The following SREBF2 variants were observed in gnomAD, a reference collection of about 807,000 sequenced individuals.
SREBF2 encodes sterol regulatory element binding transcription factor 2.
Under a neutral mutation model 113.1 loss-of-function variants are expected in SREBF2, and 55 were observed. That is an observed-to-expected ratio of 0.49 (90% CI 0.39 to 0.61). SREBF2 has a LOEUF of 0.61. Ranked by LOEUF, SREBF2 falls within the 20% of genes least tolerant of loss-of-function variation. SREBF2 has a pLI of 0.00. For missense variants in SREBF2, 1,349 were observed against 1,487.4 expected, an observed-to-expected ratio of 0.91 and a Z score of 1.53; for synonymous variants, 593 against 605.7, an observed-to-expected ratio of 0.98 and a Z score of 0.31.
intron 15 of SREBF2, 168 bp downstream of exon 15, chr22:41,898,949 TG>T: frequency 1.0e-6 from 1 of 983,984 alleles, no homozygotes; most frequent in South Asian, 1.4e-5. Flanking sequence ...GAACTCAAGT[TG>T]GGCCAGCAGG....
chr22:41,842,579 T>C (rs903713453), intron 1 of SREBF2, among the ~76,000 whole-genome samples: 6 of 152,258 alleles, frequency 3.9e-5, no homozygotes, highest in Admixed American at 2.6e-4. Context: ...TTGTAAATTC[T>C]TCCTTTCACA....
At chr22:41,857,163 T>C (rs188370078) in intron 1 of SREBF2, among the ~76,000 whole-genome samples, 12 of 152,100 alleles carry the variant, frequency 7.9e-5, no homozygotes, top group Admixed American at 7.8e-4. Context: ...AGGCTATGGT[T>C]GAAATTAAGG....
intron 1 of SREBF2, among the ~76,000 whole-genome samples, chr22:41,858,015 T>C (rs889835668): frequency 5.3e-5 from 8 of 152,230 alleles, no homozygotes; most frequent in African/African-American, 1.9e-4. Context: ...TTATCTCATA[T>C]TGATCTTCAG....
intron 15 of SREBF2, chr22:41,899,911 C>T (rs2077450340): frequency 6.2e-6 from 7 of 1,128,002 alleles, no homozygotes; most frequent in Non-Finnish European, 7.7e-6. Context: ...TCCCAGTCTC[C>T]TCTACAGAAA....
chr22:41,866,914 G>T lies in SREBF2; in HGVS notation c.172G>T (p.Gly58Cys), dbSNP rs758849313. ...GCTGTGTAGCTCCTTTCCTGGCAGT[G>T]GTGGTAGTGGTAGCAGCAGCGGCAG... The part of the protein sequence containing the change: ...EQLCSSFPGS[G>C]GSGSSSGSSG... Residue 58 changes from glycine to cysteine, a missense_variant, in exon 2 of 19, where the codon GGT becomes TGT. Physicochemically the swap from Gly to Cys is radical, Grantham distance 159. Coordinates refer to ENST00000361204, the MANE Select transcript of SREBF2 (RefSeq NM_004599.4). 4.3e-6 allele frequency: 7 copies of T among 1,613,904 alleles called. No homozygotes were observed. Among genetic ancestry groups the T allele is most frequent in the Admixed American group, 1.7e-5 (1 of 59,948 alleles).
At chr22:41,874,187 A>T (rs1432742671) in intron 5 of SREBF2, among the ~76,000 whole-genome samples, 168 bp downstream of exon 5, 1 of 152,180 alleles carries the variant, frequency 6.6e-6, no homozygotes, top group Non-Finnish European at 1.5e-5. Context: ...ATAAAATATT[A>T]AAAAACATAA....
Position 41,905,445 on chromosome 22 carries a change from G to C in SREBF2, c.3211G>C (p.Val1071Leu). 6.4e-7 allele frequency: 1 copy of C among 1,572,812 alleles called. No homozygotes were observed. ...CACACATCTCCTTCCCACAGGAGAG[G>C]TGGATGCCTGGCCCGGCCAGCGAGA... is the stretch of plus-strand genomic sequence containing the variant. ...RTTQSTKHGEVDAWPGQRERA... is the reference protein window; with the variant it reads ...RTTQSTKHGELDAWPGQRERA... The change falls in exon 19 of 19, where the codon GTG becomes CTG. Residue 1071 changes from valine (V) to leucine (L), a missense_variant. This residue lies in a region of SREBF2 where 650 missense variants were observed against 644.1 expected (regional missense o/e 1.01). Coordinates refer to ENST00000361204, the MANE Select transcript of SREBF2 (RefSeq NM_004599.4).
intron 10 of SREBF2, among the ~76,000 whole-genome samples, chr22:41,882,883 C>T (rs183295121): frequency 5.1e-4 from 77 of 152,260 alleles, no homozygotes; most frequent in African/African-American, 1.7e-3. Context: ...GAAGGAAGGT[C>T]GCTTGAGCCC....
chr22:41,840,517 A>C (rs1257659237), intron 1 of SREBF2, among the ~76,000 whole-genome samples: 1 of 152,188 alleles, frequency 6.6e-6, no homozygotes, highest in East Asian at 1.9e-4. Flanking sequence ...GAAAGAGTAC[A>C]TTTAGGTAAC....
At chr22:41,866,070 T>A (rs1437683186) in intron 1 of SREBF2, among the ~76,000 whole-genome samples, 2 of 151,976 alleles carry the variant, frequency 1.3e-5, no homozygotes, top group Non-Finnish European at 2.9e-5. Context: ...TAGAGCAAGT[T>A]TGGGTCTGCA....
intron 1 of SREBF2, among the ~76,000 whole-genome samples, chr22:41,864,240 A>ATATG (rs1328371554): frequency 7.9e-5 from 7 of 88,406 alleles, no homozygotes; most frequent in Admixed American, 5.9e-4. Context: ...ATATATATAT[A>ATATG]TATATATATA....
chr22:41,905,510 C>T lies in SREBF2; in HGVS notation c.3276C>T (p.Pro1092=). ...TCCTGCTGGCCTGCCGCCACCTGCCCCTCTCCTTCCTCTCCTCCCCGGGCC... is the reference window on the plus strand; with the variant it reads ...TCCTGCTGGCCTGCCGCCACCTGCCTCTCTCCTTCCTCTCCTCCCCGGGCC... The part of the protein sequence containing the change: ...TAILLACRHL[P]LSFLSSPGQR... Residue 1092 remains proline, a synonymous_variant, in exon 19 of 19, where the codon CCC becomes CCT. Coordinates refer to ENST00000361204, the MANE Select transcript of SREBF2 (RefSeq NM_004599.4). 1.3e-6 allele frequency: 2 copies of T among 1,582,104 alleles called. No homozygotes were observed. The highest frequency in any genetic ancestry group is 1.7e-6 in the Non-Finnish European group (2 of 1,164,542).
At chr22:41,876,074 T>C (rs1028181230) in intron 7 of SREBF2, among the ~76,000 whole-genome samples, 1 of 152,202 alleles carries the variant, frequency 6.6e-6, no homozygotes, top group Non-Finnish European at 1.5e-5. Flanking sequence ...CAAGACCACT[T>C]TGGGAGGCTG....
At chr22:41,848,811 C>G (rs1013431071) in intron 1 of SREBF2, among the ~76,000 whole-genome samples, 6 of 152,120 alleles carry the variant, frequency 3.9e-5, no homozygotes. Flanking sequence ...AAACCACCAC[C>G]AAGACCGCTT....
intron 1 of SREBF2, among the ~76,000 whole-genome samples, chr22:41,844,055 C>A (rs1409787301): frequency 6.8e-6 from 1 of 147,490 alleles, no homozygotes; most frequent in African/African-American, 2.6e-5. Context: ...CACACACACA[C>A]ACACACACAC....
chr22:41,903,051 G>C lies in SREBF2; in HGVS notation c.2989G>C (p.Val997Leu). 2 of 1,607,514 alleles carry C rather than the reference G, an allele frequency of 1.2e-6. No individual in the cohort carries two copies. The highest frequency in any genetic ancestry group is 1.7e-6 in the Non-Finnish European group (2 of 1,177,286). ...AAAACAGGCCAGTGCCAGCCAGGCTGTGGGGGAGACCTACCACGCGTCAGG... is the reference window on the plus strand; with the variant it reads ...AAAACAGGCCAGTGCCAGCCAGGCTCTGGGGGAGACCTACCACGCGTCAGG... ...WQKQASASQA[V>L]GETYHASGAE... Residue 997 changes from valine (V) to leucine (L), a missense_variant, in exon 17 of 19, where the codon GTG becomes CTG. Around this residue, in one of 2 missense-constraint regions of SREBF2, gnomAD observed 650 missense variants for 644.1 expected, o/e 1.01. Transcript: ENST00000361204.
intron 14 of SREBF2, 28 bp from the exon 15 acceptor site, chr22:41,898,621 G>C (rs767773417): frequency 1.2e-6 from 2 of 1,613,598 alleles, no homozygotes; most frequent in Non-Finnish European, 1.7e-6. Context: ...GTGGGTGCTG[G>C]AGTGCGTTTG....
At chr22:41,854,481 C>T (rs1008826408) in intron 1 of SREBF2, among the ~76,000 whole-genome samples, 11 of 151,868 alleles carry the variant, frequency 7.2e-5, no homozygotes, top group Admixed American at 2.0e-4. Flanking sequence ...TTTTTTAATA[C>T]CAGTATGCTT....
At chr22:41,895,124 C>T (rs2077400913) in intron 13 of SREBF2, among the ~76,000 whole-genome samples, 187 bp downstream of exon 13, 1 of 151,342 alleles carries the variant, frequency 6.6e-6, no homozygotes, top group Admixed American at 6.6e-5. Context: ...CTGGCCTTTC[C>T]TCCTAGACCA....
Sources: gnomAD v4.1 joint callset for allele counts (sites outside exome capture counted in the v4.1 genomes callset) on GRCh38, gnomAD v4.1.1 for gene constraint, gnomAD v4.1.1 regional missense constraint, MANE v1.5 for transcripts, NCBI Gene and HGNC (gene_info 2026-07-23, HGNC 2026-07-21) for gene names.